TAS2R14: variants seen among roughly 807,000 people sequenced by gnomAD.
TAS2R14 encodes taste receptor type 2 member 14.
For missense variants in TAS2R14, 383 were observed against 372.0 expected (o/e 1.03, Z -0.24); for synonymous variants, 131 against 131.0 (o/e 1.00, Z 0.00).
Position 10,938,772 on chromosome 12 carries a change from C to T in TAS2R14, c.436G>A (p.Ala146Thr). ...GCATTTATATGGATGTTTATCAGTGCAATATTTAAAAACAAGAAGACCGAA... is the reference window on the plus strand; with the variant it reads ...GCATTTATATGGATGTTTATCAGTGTAATATTTAAAAACAAGAAGACCGAA... The change falls in exon 1 of 1, where the codon GCA (alanine) becomes ACA (threonine). Residue 146 changes from alanine (A) to threonine (T), a missense_variant. By Grantham distance (58) the Ala-to-Thr change is moderately conservative. Coordinates refer to ENST00000537503, the Ensembl canonical transcript of TAS2R14. 1.2e-6 allele frequency: 2 copies of T among 1,613,462 alleles called. No homozygotes were observed. Among genetic ancestry groups the T allele is most frequent in the Non-Finnish European group, 1.7e-6 (2 of 1,179,888 alleles).
chr12:10,938,232 A>G (rs971238164), exon 1 of TAS2R14: 10 of 1,454,992 alleles, frequency 6.9e-6, no homozygotes, highest in African/African-American at 4.3e-5. Flanking sequence ...ATTTCTTAGG[A>G]GCTATTTTTT....
exon 1 of TAS2R14, chr12:10,938,439 A>G (rs767660225): frequency 6.2e-7 from 1 of 1,614,026 alleles, no homozygotes; most frequent in Non-Finnish European, 8.5e-7. Flanking sequence ...TTTTCCTCCA[A>G]CCTTTCAGAG....
chr12:10,938,353 C>A (rs780607596), exon 1 of TAS2R14: 1 of 1,614,034 alleles, frequency 6.2e-7, no homozygotes, highest in Non-Finnish European at 8.5e-7. Flanking sequence ...GTCTCAGCTT[C>A]TTGTTTCCAA....
exon 1 of TAS2R14, chr12:10,938,251 T>C (rs919144809): frequency 5.8e-6 from 9 of 1,551,384 alleles, no homozygotes; most frequent in East Asian, 4.5e-5. Flanking sequence ...TTTTCTAATA[T>C]ATTCAAGATG....
exon 5 of TAS2R14, chr12:10,938,307 TGTACCTCAGCCACA>T (rs1048710904): frequency 6.2e-6 from 10 of 1,613,548 alleles, no homozygotes; most frequent in Admixed American, 5.0e-5. Flanking sequence ...TCTTTGAACA[TGTACCTCAGCCACA>T]GTAGCACTGA....
chr12:10,938,163 A>T (rs1950320195), exon 1 of TAS2R14: 1 of 888,648 alleles, frequency 1.1e-6, no homozygotes, highest in Non-Finnish European at 1.7e-6. Flanking sequence ...TGTAAAATTC[A>T]CAAAGTTATA....
At chr12:10,938,639 G>A (rs755795992) in exon 1 of TAS2R14, 2 of 1,613,674 alleles carry the variant, frequency 1.2e-6, no homozygotes, top group African/African-American at 2.7e-5. Context: ...CAAAGTAAAG[G>A]GTATGAAAAT....
exon 1 of TAS2R14, chr12:10,938,743 A>G (rs1950338306): frequency 4.3e-6 from 7 of 1,613,924 alleles, no homozygotes; most frequent in Non-Finnish European, 5.9e-6. Context: ...ATCCATTGAT[A>G]CTGGCATTTA....
At chr12:10,937,961 T>G (rs950908480) in exon 1 of TAS2R14, 1 of 258,694 alleles carries the variant, frequency 3.9e-6, no homozygotes, top group African/African-American at 2.2e-5. Context: ...CATACACACA[T>G]GTATTTTATA....
chr12:10,939,187 G>C (rs765213781), exon 1 of TAS2R14: 6 of 1,582,314 alleles, frequency 3.8e-6, no homozygotes, highest in Non-Finnish European at 5.1e-6. Flanking sequence ...ATGTAAATAT[G>C]CTCTTTATGA....
At chr12:10,938,380 G>A in exon 1 of TAS2R14, 3 of 1,614,046 alleles carry the variant, frequency 1.9e-6, no homozygotes, top group Non-Finnish European at 2.5e-6. Flanking sequence ...GAACACATGA[G>A]TGACATGAAG....
At chr12:10,938,493 G>A (rs1950329760) in exon 1 of TAS2R14, 1 of 1,613,958 alleles carries the variant, frequency 6.2e-7, no homozygotes, top group Non-Finnish European at 8.5e-7. Flanking sequence ...ATGGCATAGA[G>A]TAGGAAGAAA....
exon 1 of TAS2R14, chr12:10,937,976 A>G (rs139848203): frequency 3.3e-6 from 1 of 301,116 alleles, no homozygotes; most frequent in African/African-American, 2.2e-5. Context: ...TTTATACATT[A>G]TAGGTTTTCT....
chr12:10,937,876 C>T (rs896187210), exon 1 of TAS2R14: 1 of 161,148 alleles, frequency 6.2e-6, no homozygotes, highest in Non-Finnish European at 1.3e-5. Context: ...ATTCCATATT[C>T]TTTTATGTAC....
exon 1 of TAS2R14, chr12:10,938,454 A>G (rs140885325): frequency 6.2e-7 from 1 of 1,614,098 alleles, no homozygotes; most frequent in East Asian, 2.2e-5. Context: ...TCAGAGGTCC[A>G]AACTGATATG....
chr12:10,938,357 T>C (rs965258159), exon 1 of TAS2R14: 7 of 1,613,888 alleles, frequency 4.3e-6, no homozygotes, highest in Non-Finnish European at 5.9e-6. Context: ...CAGCTTCTTG[T>C]TTCCAAGAAT....
rs184647925 is a variant in TAS2R14 at position 10,938,019 on chromosome 12, A to T, written c.*235T>A. On this transcript the variant is annotated 3_prime_UTR_variant, in exon 1 of 1. Coordinates refer to ENST00000537503, the Ensembl canonical transcript of TAS2R14. ...AAATCTCAAAAAAGGTGAATGATTG[A>T]TACAAAATCTATATTATCTGTTTGT... 1.8e-5 allele frequency: 7 copies of T among 389,222 alleles called. No individual in the cohort carries two copies. In the Admixed American group the frequency reaches 2.5e-4, roughly 14 times the overall value. 24.1% of individuals were successfully genotyped at this position (389,222 alleles called of 1,614,324 possible).
At position 10,938,687 on chromosome 12, in the gene TAS2R14, C is replaced by T. The variant is rs532448480; in HGVS notation, c.521G>A (p.Arg174Gln). ...GGTTAATACAATAAGACTGGAAAAT[C>T]GTGTAAAGTTACTTGAATCAGAACT... Residue 174 changes from arginine (R) to glutamine (Q), a missense_variant, in exon 1 of 1, where the codon CGA becomes CAA. Arg to Gln is a conservative substitution (Grantham distance 43). Coordinates refer to ENST00000537503, the Ensembl canonical transcript of TAS2R14. 8.1e-5 allele frequency: 131 copies of T among 1,613,960 alleles called. 1 individual carries two copies. In the South Asian group the frequency reaches 1.1e-3, roughly 13 times the overall value.
At position 10,938,373 on chromosome 12, in the gene TAS2R14, C is replaced by T. The variant is rs1265055736; in HGVS notation, c.835G>A (p.Val279Ile). 5 of 1,613,984 alleles carry T rather than the reference C, an allele frequency of 3.1e-6. No individual in the cohort carries two copies. In the East Asian group the frequency reaches 6.7e-5, roughly 22 times the overall value. Residue 279 changes from valine to isoleucine, a missense_variant, in exon 1 of 1, where the codon GTT becomes ATT. Val to Ile is a conservative substitution (Grantham distance 29). Transcript: ENST00000537503. The stretch of plus-strand genomic sequence containing the variant: ...AGCTTCTTGTTTCCAAGAATCAGAA[C>T]ACATGAGTGACATGAAGGATAAGCC...
Sources: allele counts gnomAD v4.1 joint callset, GRCh38; gene constraint gnomAD v4.1.1; transcripts MANE v1.5; gene names NCBI Gene and HGNC (gene_info 2026-07-23, HGNC 2026-07-21).